SYTL2: variants seen among roughly 807,000 people sequenced by gnomAD.
The protein encoded by SYTL2 is synaptotagmin like 2, also known as synaptotagmin-like protein 2.
SYTL2 carries 165 observed loss-of-function variants against 198.7 expected under a neutral mutation model. The ratio of observed to expected loss-of-function variants is 0.83; its 90% CI spans 0.73 to 0.94. The LOEUF (loss-of-function observed/expected upper bound fraction) is 0.94, where lower values mean the gene tolerates loss of function less well. Among genes scored for constraint, SYTL2 ranks in the 40% least tolerant of loss-of-function variants. The pLI, the probability that SYTL2 is intolerant of heterozygous loss-of-function variation, is 0.00. For missense variants in SYTL2, 2,835 were observed against 2,582.8 expected (o/e 1.10, Z -2.12); for synonymous variants, 966 against 917.7 (o/e 1.05, Z -0.95).
intron 19 of SYTL2, 75 bp from the exon 20 acceptor site, chr11:85,695,415 A>G (rs2083278146): frequency 7.9e-7 from 1 of 1,267,564 alleles, no homozygotes. Flanking sequence ...GTTATTCCCT[A>G]ATTATAACCA....
chr11:85,826,738 G>A, the SYTL2 span, among the ~76,000 whole-genome samples: 2 of 152,240 alleles, frequency 1.3e-5, no homozygotes, highest in Non-Finnish European at 2.9e-5. Context: ...CAGCCTGGAG[G>A]TGGATGTGCT....
At chr11:85,789,362 A>G (rs867690338) in intron 1 of SYTL2, among the ~76,000 whole-genome samples, 1,345 of 58,170 alleles carry the variant, frequency 0.023, 63 homozygotes, top group African/African-American at 0.092. Context: ...ATATATATAT[A>G]TATATATATA....
intron 1 of SYTL2, among the ~76,000 whole-genome samples, chr11:85,776,540 G>T (rs2092454786): frequency 6.6e-6 from 1 of 152,132 alleles, no homozygotes. Flanking sequence ...GAGAATGATG[G>T]TTTCCAGCTT....
chr11:85,842,003 G>A, the SYTL2 span, among the ~76,000 whole-genome samples: 1 of 152,022 alleles, frequency 6.6e-6, no homozygotes, highest in East Asian at 1.9e-4. Flanking sequence ...CCAAACATTC[G>A]CTAAATATCT....
intron 15 of SYTL2, 162 bp from the exon 16 acceptor site, chr11:85,705,190 T>C (rs944013700): frequency 3.1e-4 from 158 of 514,900 alleles, no homozygotes; most frequent in Non-Finnish European, 4.6e-4. Flanking sequence ...AAGCATCTTG[T>C]TTCAAAGAGC....
At position 85,719,041 on chromosome 11, in the gene SYTL2, T is replaced by C. The variant is rs1183600296; in HGVS notation, c.5429-198A>G. On this transcript the variant is annotated intron_variant, in intron 9 of 19. Coordinates refer to ENST00000359152, the MANE Select transcript of SYTL2 (RefSeq NM_206927.4). ...CAGTGCCATAGCGGGAGCTCCCATT[T>C]CAGCCCGGATGCAGCTCACATCACT... 7 of 1,519,394 alleles carry C rather than the reference T, an allele frequency of 4.6e-6. No individual in the cohort carries two copies. The East Asian group carries it at 1.3e-4, about 27-fold the overall frequency. The allele number at this position is 1,519,394 out of a possible 1,614,324, so 94.1% of individuals were successfully genotyped here. A position where few individuals can be genotyped will look rare whatever the true frequency, so the allele number is the denominator to read the frequency against.
At chr11:85,801,059 G>C (rs1447968499) in intron 1 of SYTL2, among the ~76,000 whole-genome samples, 1 of 152,198 alleles carries the variant, frequency 6.6e-6, no homozygotes, top group Non-Finnish European at 1.5e-5. Context: ...GATCCTGACT[G>C]CTTAGGGAGA....
chr11:85,739,470 G>T (rs2090620885), intron 4 of SYTL2, among the ~76,000 whole-genome samples: 2 of 152,002 alleles, frequency 1.3e-5, no homozygotes, highest in African/African-American at 4.8e-5. Context: ...TGGGATGAGG[G>T]GGGATACTCA....
At chr11:85,853,875 G>C in the SYTL2 span, 3 of 152,064 alleles carry the variant, frequency 2.0e-5, no homozygotes, top group African/African-American at 7.2e-5. Flanking sequence ...CTTTCTTTGA[G>C]ACAGAGGCTC....
At chr11:85,833,006 G>T in the SYTL2 span, among the ~76,000 whole-genome samples, 2 of 62,336 alleles carry the variant, frequency 3.2e-5, no homozygotes, top group African/African-American at 6.6e-5. Context: ...AAAAAAAAAA[G>T]AAAGAAAAGA....
the SYTL2 span, chr11:85,853,275 G>T: frequency 4.6e-6 from 2 of 436,402 alleles, no homozygotes; most frequent in South Asian, 1.6e-5. Flanking sequence ...GTCTTGAGTA[G>T]AAAAAAGTAG....
intron 1 of SYTL2, among the ~76,000 whole-genome samples, chr11:85,787,110 C>T (rs1424176456): frequency 1.3e-5 from 2 of 152,152 alleles, no homozygotes; most frequent in Non-Finnish European, 2.9e-5. Context: ...GGAGAGGATC[C>T]GAGCCTGCTG....
intron 2 of SYTL2, among the ~76,000 whole-genome samples, chr11:85,749,620 T>A (rs191212184): frequency 6.6e-6 from 1 of 152,322 alleles, no homozygotes; most frequent in African/African-American, 2.4e-5. Context: ...CCTCTCTTTG[T>A]CATGACAGCC....
chr11:85,773,480 AG>A (rs768809740), intron 1 of SYTL2, among the ~76,000 whole-genome samples: 2 of 152,194 alleles, frequency 1.3e-5, no homozygotes, highest in Non-Finnish European at 2.9e-5. Flanking sequence ...AGATGAGTCT[AG>A]CCCCTTCCTG....
chr11:85,718,753 T>C, intron 10 of SYTL2, 37 bp downstream of exon 10: 3 of 1,602,144 alleles, frequency 1.9e-6, no homozygotes, highest in East Asian at 2.2e-5. Context: ...CAGAAGTTAA[T>C]ACAAAGACAG....
the SYTL2 span, among the ~76,000 whole-genome samples, chr11:85,829,247 T>C: frequency 2.6e-5 from 4 of 152,276 alleles, no homozygotes; most frequent in East Asian, 7.7e-4. Context: ...CCTCATCTGG[T>C]AGTCCTGAGT....
chr11:85,841,379 T>C, the SYTL2 span, among the ~76,000 whole-genome samples: 3 of 152,326 alleles, frequency 2.0e-5, no homozygotes, highest in Admixed American at 6.5e-5. Flanking sequence ...CATATGTTCG[T>C]TGCAGCACTA....
At chr11:85,748,143 G>A in intron 3 of SYTL2, 129 bp downstream of exon 3, 1 of 1,081,860 alleles carries the variant, frequency 9.2e-7, no homozygotes, top group South Asian at 1.5e-5. Context: ...TTAAACTAGA[G>A]GGCCACACAT....
chr11:85,787,409 T>C (rs2092652692), intron 1 of SYTL2, among the ~76,000 whole-genome samples: 2 of 152,224 alleles, frequency 1.3e-5, no homozygotes, highest in African/African-American at 2.4e-5. Flanking sequence ...AGTAACTTTA[T>C]GGTTTTTTAT....
Sources: gnomAD v4.1 joint callset for allele counts (sites outside exome capture counted in the v4.1 genomes callset) on GRCh38, gnomAD v4.1.1 for gene constraint, MANE v1.5 for transcripts, NCBI Gene and HGNC (gene_info 2026-07-23, HGNC 2026-07-21) for gene names.